Variants in ARMC9 observed in about 807,000 individuals in gnomAD.
The protein encoded by ARMC9 is armadillo repeat containing 9.
In ARMC9, 94 loss-of-function variants were observed where a neutral mutation model predicts 107.0. That is an observed-to-expected ratio of 0.88 (90% CI 0.74 to 1.04). The LOEUF (loss-of-function observed/expected upper bound fraction) is 1.04. Among genes scored for constraint, ARMC9 ranks in the 50% least tolerant of loss-of-function variants. The pLI is 0.00. For missense variants in ARMC9, 942 were observed against 1,030.1 expected (o/e 0.91, Z 1.17); for synonymous variants, 380 against 396.9 (o/e 0.96, Z 0.51).
At chr2:231,260,976 A>G (rs905421806) in intron 11 of ARMC9, among the ~76,000 whole-genome samples, 2 of 152,114 alleles carry the variant, frequency 1.3e-5, no homozygotes, top group African/African-American at 4.8e-5. Flanking sequence ...CCCCAGTGTG[A>G]CATTCCAGGC....
intron 7 of ARMC9, among the ~76,000 whole-genome samples, chr2:231,227,321 G>C (rs1401280479): frequency 6.6e-6 from 1 of 152,170 alleles, no homozygotes; most frequent in African/African-American, 2.4e-5. Flanking sequence ...TCACTTTTGA[G>C]TAAGGTGAGA....
chr2:231,224,254 G>A (rs985259739), intron 6 of ARMC9, among the ~76,000 whole-genome samples: 2 of 152,202 alleles, frequency 1.3e-5, no homozygotes, highest in Non-Finnish European at 2.9e-5. Flanking sequence ...TGAGCCCAGA[G>A]TGGGCAACAT....
At chr2:231,240,897 T>A (rs2036233663) in intron 9 of ARMC9, among the ~76,000 whole-genome samples, 1 of 151,928 alleles carries the variant, frequency 6.6e-6, no homozygotes, top group Non-Finnish European at 1.5e-5. Context: ...TTTCCCCCTT[T>A]AAAAAAAATA....
chr2:231,311,062 G>T (rs2042318284), intron 19 of ARMC9, among the ~76,000 whole-genome samples: 1 of 152,040 alleles, frequency 6.6e-6, no homozygotes, highest in Non-Finnish European at 1.5e-5. Context: ...AAGAGGTTGA[G>T]GCTTCAGAGA....
At chr2:231,224,233 G>A (rs1386959348) in intron 6 of ARMC9, among the ~76,000 whole-genome samples, 2 of 152,212 alleles carry the variant, frequency 1.3e-5, no homozygotes, top group African/African-American at 4.8e-5. Context: ...GATCACTTGA[G>A]CCCAGGAGTT....
chr2:231,203,357 T>TGAG (rs1227895720), intron 1 of ARMC9, among the ~76,000 whole-genome samples: 4 of 152,172 alleles, frequency 2.6e-5, no homozygotes, highest in African/African-American at 4.8e-5. Context: ...CTTCCCCTCA[T>TGAG]GTCCCACAAC....
chr2:231,343,023 C>T (rs1291984610), intron 20 of ARMC9, among the ~76,000 whole-genome samples: 1 of 152,110 alleles, frequency 6.6e-6, no homozygotes, highest in Non-Finnish European at 1.5e-5. Flanking sequence ...AAGTGATTCT[C>T]CTGCCTCAGC....
chr2:231,201,139 G>A (rs1200254666), intron 1 of ARMC9, among the ~76,000 whole-genome samples: 1 of 152,130 alleles, frequency 6.6e-6, no homozygotes, highest in South Asian at 2.1e-4. Context: ...TGGAGAGGTG[G>A]GTGTCCCCCA....
chr2:231,261,622 C>T (rs180688346), intron 11 of ARMC9, among the ~76,000 whole-genome samples: 19 of 152,320 alleles, frequency 1.2e-4, no homozygotes, highest in Non-Finnish European at 2.1e-4. Flanking sequence ...CCACTGTGCT[C>T]ATGCTCCCCT....
chr2:231,304,075 CAA>C (rs951018492), intron 19 of ARMC9, among the ~76,000 whole-genome samples: 25 of 151,968 alleles, frequency 1.6e-4, no homozygotes, highest in African/African-American at 6.0e-4. Flanking sequence ...ACTGAAAATA[CAA>C]AAGTTAGCTG....
intron 16 of ARMC9, among the ~76,000 whole-genome samples, chr2:231,281,620 T>G (rs1158303658): frequency 1.3e-5 from 2 of 152,132 alleles, no homozygotes; most frequent in Admixed American, 6.5e-5. Context: ...AGATTTGATG[T>G]AGCCTGGTTC....
At chr2:231,282,439 T>C (rs1161514326) in intron 17 of ARMC9, among the ~76,000 whole-genome samples, 2 of 152,226 alleles carry the variant, frequency 1.3e-5, no homozygotes, top group Non-Finnish European at 2.9e-5. Flanking sequence ...ATTATAAAAC[T>C]GTCTAGGACT....
Position 231,255,544 on chromosome 2 carries a change from G to GT in ARMC9, c.880-1034dup, listed in dbSNP as rs200186461. On this transcript the variant is annotated intron_variant, in intron 9 of 24. Coordinates refer to ENST00000611582, the MANE Select transcript of ARMC9 (RefSeq NM_001352754.2). The surrounding 1 kb of genome is among the most constrained non-coding windows in gnomAD (Gnocchi z 4.7). The stretch of plus-strand genomic sequence containing the variant: ...GATTTTTTTTTGTTTGGTTGTTTTT[G>GT]TTTTTTTTCTAAAGAAAATAAAGGA... 8.0e-4 allele frequency among the ~76,000 whole-genome samples: 122 copies of GT among 151,772 alleles called. 1 individual carries two copies. Among genetic ancestry groups the GT allele is most frequent in the African/African-American group, 2.7e-3 (113 of 41,390 alleles).
rs988167201 is a variant in ARMC9 at position 231,216,966 on chromosome 2, T to C, written c.504+173T>C. Reference sequence around the variant, plus strand: ...AGTCAGTCTCCTATTGGATGGTTAGTTAGGTTTGGTTTTTGCCATCCTATA... The same window carrying C: ...AGTCAGTCTCCTATTGGATGGTTAGCTAGGTTTGGTTTTTGCCATCCTATA... On this transcript the variant is annotated intron_variant, in intron 5 of 24. Coordinates refer to ENST00000611582, the MANE Select transcript of ARMC9 (RefSeq NM_001352754.2). Among the ~76,000 whole-genome samples, 3 of 152,234 alleles carry C rather than the reference T, an allele frequency of 2.0e-5. No homozygotes were observed. In the East Asian group the frequency reaches 5.8e-4, roughly 29 times the overall value.
chr2:231,278,504 G>A, intron 16 of ARMC9, 46 bp downstream of exon 16: 1 of 1,577,518 alleles, frequency 6.3e-7, no homozygotes. Context: ...AGGCTACACT[G>A]GGGACCCAAT....
intron 5 of ARMC9, among the ~76,000 whole-genome samples, chr2:231,218,197 A>G (rs1235228717): frequency 1.3e-5 from 2 of 152,172 alleles, no homozygotes; most frequent in East Asian, 3.8e-4. Context: ...GGCCTTTTGT[A>G]GAGTAGCCCA....
chr2:231,334,765 G>A (rs1418898614), intron 20 of ARMC9, among the ~76,000 whole-genome samples: 1 of 152,236 alleles, frequency 6.6e-6, no homozygotes, highest in East Asian at 1.9e-4. Context: ...GACATTGCCA[G>A]CCTGCCAGCC....
At chr2:231,221,666 C>CA (rs535605605) in intron 5 of ARMC9, among the ~76,000 whole-genome samples, 7,800 of 134,462 alleles carry the variant, frequency 0.058, 241 homozygotes, top group African/African-American at 0.065. Flanking sequence ...CCGTCTCTAC[C>CA]AAAAAAAAAA....
chr2:231,270,068 GTC>G (rs1473136532), intron 12 of ARMC9, among the ~76,000 whole-genome samples: 1 of 152,124 alleles, frequency 6.6e-6, no homozygotes, highest in Non-Finnish European at 1.5e-5. Context: ...TGATTTCACG[GTC>G]TCTAATTCTT....
Sources: gnomAD v4.1 joint callset for allele counts (sites outside exome capture counted in the v4.1 genomes callset) on GRCh38, gnomAD v4.1.1 for gene constraint, Gnocchi (gnomAD v3.1) non-coding constraint, MANE v1.5 for transcripts, NCBI Gene and HGNC (gene_info 2026-07-23, HGNC 2026-07-21) for gene names.